The following MYO10 variants were observed in gnomAD, a reference collection of about 807,000 sequenced individuals.
MYO10 encodes the protein myosin X.
MYO10 carries 133 observed loss-of-function variants against 257.3 expected under a neutral mutation model. That is an observed-to-expected ratio of 0.52 (90% CI 0.45 to 0.60). The LOEUF is 0.60. Among genes scored for constraint, MYO10 ranks in the 20% least tolerant of loss-of-function variants. The pLI is 0.00. For synonymous variants in MYO10, 1,104 were observed against 1,028.6 expected (o/e 1.07, Z -1.40); for missense variants, 2,399 against 2,635.7 (o/e 0.91, Z 1.97).
intron 19 of MYO10, among the ~76,000 whole-genome samples, chr5:16,720,312 A>G (rs1286261494): frequency 6.6e-6 from 1 of 152,214 alleles, no homozygotes; most frequent in Non-Finnish European, 1.5e-5. Context: ...GCTTATTAAA[A>G]GAATTTTTTG....
In MYO10 at chr5:16,703,134, A is replaced by G. The variant is rs374960960; in HGVS notation, c.2301T>C (p.Tyr767=). 1.9e-6 allele frequency: 3 copies of G among 1,596,854 alleles called. No homozygotes were observed. The highest frequency in any genetic ancestry group is 2.6e-6 in the Non-Finnish European group (3 of 1,171,094). ...LARKQYRKVL[Y]CVVIIQKNYR... is the part of the protein sequence containing the mutation. The stretch of plus-strand genomic sequence containing the variant: ...AATTCTTCTGTATTATCACCACACA[A>G]TAAAGGACCTTTCTGTATTGTTTTC... Residue 767 remains tyrosine, a synonymous_variant, in exon 23 of 41, where the codon TAT becomes TAC. Coordinates refer to ENST00000513610, the MANE Select transcript of MYO10 (RefSeq NM_012334.3).
chr5:16,697,263 C>CA (rs1471253274), intron 26 of MYO10, among the ~76,000 whole-genome samples: 1 of 148,578 alleles, frequency 6.7e-6, no homozygotes. Context: ...GCAGGTGAAG[C>CA]AAAAAAGGAA....
At chr5:16,864,166 T>G (rs1475227810) in intron 2 of MYO10, among the ~76,000 whole-genome samples, 7 of 134,028 alleles carry the variant, frequency 5.2e-5, no homozygotes, top group East Asian at 4.2e-4. Context: ...TTTTTTTTTT[T>G]GTCACTTGTG....
rs548724486 is a variant in MYO10 at position 16,823,541 on chromosome 5, G to A, written c.121-5374C>T. Among the ~76,000 whole-genome samples, 8 of 129,912 alleles carry A rather than the reference G, an allele frequency of 6.2e-5. No homozygotes were observed. In the South Asian group the frequency reaches 1.1e-3, roughly 18 times the overall value. 85.2% of individuals were successfully genotyped at this position (129,912 alleles called of 152,430 possible). On this transcript the variant is annotated intron_variant, in intron 2 of 40. Transcript: ENST00000513610. ...GGCTAGAGTGCAGTGGCACAATCTC[G>A]GCTCACTGCAAACTCCGCCTCCAGG...
intron 3 of MYO10, among the ~76,000 whole-genome samples, chr5:16,802,473 A>G (rs1742148625): frequency 6.6e-6 from 1 of 151,912 alleles, no homozygotes. Flanking sequence ...CCTGGCTAAC[A>G]GGGTGAAACC....
chr5:16,818,446 TG>T (rs1327462690), intron 2 of MYO10, among the ~76,000 whole-genome samples: 1 of 148,720 alleles, frequency 6.7e-6, no homozygotes. Flanking sequence ...TTGTTGTTGT[TG>T]TTGTTTTGAG....
chr5:16,913,649 C>T (rs1004868963), intron 1 of MYO10, among the ~76,000 whole-genome samples: 8 of 152,150 alleles, frequency 5.3e-5, no homozygotes, highest in African/African-American at 1.9e-4. Flanking sequence ...AGGCAGTGGA[C>T]AAAGCAAGCG....
intron 2 of MYO10, among the ~76,000 whole-genome samples, chr5:16,835,492 G>GTTTTTTTTTTT (rs1554001242): frequency 1.2e-5 from 1 of 81,060 alleles, no homozygotes; most frequent in African/African-American, 4.7e-5. Context: ...ATTTTTGGCT[G>GTTTTTTTTTTT]TTTTTTTTTT....
chr5:16,742,220 C>T (rs370395273), intron 19 of MYO10: 6 of 985,256 alleles, frequency 6.1e-6, no homozygotes, highest in Non-Finnish European at 7.2e-6. Context: ...AAGAACAGCA[C>T]TCTTTGCTGG....
intron 2 of MYO10, among the ~76,000 whole-genome samples, chr5:16,861,152 A>G (rs1744096252): frequency 6.6e-6 from 1 of 151,882 alleles, no homozygotes; most frequent in African/African-American, 2.4e-5. Flanking sequence ...AGGGTTGAGA[A>G]CCACCCTGTC....
chr5:16,674,018 C>T (rs1736603678), intron 35 of MYO10, 129 bp from the exon 36 acceptor site: 1 of 751,706 alleles, frequency 1.3e-6, no homozygotes, highest in African/African-American at 1.8e-5. Context: ...GAGCAAGCAC[C>T]AGTGACTTCT....
intron 2 of MYO10, among the ~76,000 whole-genome samples, chr5:16,831,635 A>G (rs1743165487): frequency 6.6e-6 from 1 of 152,150 alleles, no homozygotes; most frequent in Non-Finnish European, 1.5e-5. Flanking sequence ...AAAAACAAAC[A>G]TCGTATGTTC....
intron 2 of MYO10, among the ~76,000 whole-genome samples, chr5:16,870,859 T>C (rs1744438389): frequency 6.6e-6 from 1 of 152,090 alleles, no homozygotes; most frequent in South Asian, 2.1e-4. Flanking sequence ...GCCATTGCAC[T>C]CCAGCCTGGA....
rs553759459 is a variant in MYO10, at chr5:16,739,147, G to C, written c.1929+15681C>G. 4.3e-3 allele frequency among the ~76,000 whole-genome samples: 623 copies of C among 144,824 alleles called. 3 individuals carry two copies. The highest frequency in any genetic ancestry group is 5.6e-3 in the Non-Finnish European group (373 of 66,818). On this transcript the variant is annotated intron_variant, in intron 19 of 40. Transcript: ENST00000513610. Reference sequence around the variant, plus strand: ...ACTGTAGTGTGCTATGATTGTGCTTGTAAATAGCCCCTGCACTCCAGCCTG... The same window carrying C: ...ACTGTAGTGTGCTATGATTGTGCTTCTAAATAGCCCCTGCACTCCAGCCTG...
chr5:16,680,343 C>A (rs953721547), intron 32 of MYO10, among the ~76,000 whole-genome samples: 7 of 152,082 alleles, frequency 4.6e-5, no homozygotes, highest in African/African-American at 1.7e-4. Context: ...AACAATAAAC[C>A]CATCATTAAA....
chr5:16,875,984 G>T (rs1744589475), intron 2 of MYO10, among the ~76,000 whole-genome samples: 1 of 152,038 alleles, frequency 6.6e-6, no homozygotes, highest in Admixed American at 6.6e-5. Context: ...GTGGTGGCAG[G>T]CACCTGTAAT....
intron 9 of MYO10, among the ~76,000 whole-genome samples, chr5:16,777,625 G>A (rs1439190760): frequency 6.6e-6 from 1 of 152,048 alleles, no homozygotes; most frequent in Admixed American, 6.6e-5. Flanking sequence ...TATGGATATG[G>A]GCTGCACCAG....
chr5:16,776,511 A>G (rs73053069), intron 9 of MYO10, among the ~76,000 whole-genome samples: 3,540 of 152,302 alleles, frequency 0.023, 131 homozygotes, highest in African/African-American at 0.081. Flanking sequence ...TATAAGTAGA[A>G]TGTATTAACT....
At chr5:16,840,248 A>G (rs941403306) in intron 2 of MYO10, among the ~76,000 whole-genome samples, 1 of 152,140 alleles carries the variant, frequency 6.6e-6, no homozygotes, top group African/African-American at 2.4e-5. Flanking sequence ...ACTTGTCTCT[A>G]TGACAAATAC....
Sources: allele counts gnomAD v4.1 joint callset (sites outside exome capture counted in the v4.1 genomes callset), GRCh38; gene constraint gnomAD v4.1.1; transcripts MANE v1.5; gene names NCBI Gene and HGNC (gene_info 2026-07-23, HGNC 2026-07-21).